TAFA1: variants seen among roughly 807,000 people sequenced by gnomAD.
TAFA1 encodes the protein chemokine-like protein TAFA-1.
A neutral mutation model predicts 18.5 loss-of-function variants in TAFA1; 4 were observed. The observed-to-expected ratio is 0.22, with a 90% CI of 0.11 to 0.49. TAFA1 has a LOEUF of 0.49. Ranked by LOEUF, TAFA1 falls within the 20% of genes least tolerant of loss-of-function variation. The probability of loss-of-function intolerance (pLI) is 0.98; values close to 1 mark genes in which losing one functional copy is unlikely to be tolerated. For missense variants in TAFA1, 147 were observed against 169.0 expected, an observed-to-expected ratio of 0.87 and a Z score of 0.72; for synonymous variants, 56 against 55.2, an observed-to-expected ratio of 1.01 and a Z score of -0.06.
intron 2 of TAFA1, among the ~76,000 whole-genome samples, chr3:68,182,505 A>T (rs975628164): frequency 3.2e-4 from 49 of 152,272 alleles, no homozygotes; most frequent in African/African-American, 1.1e-3. Flanking sequence ...AGAAATGGGA[A>T]TTAGAAATTA....
chr3:68,388,795 A>C (rs2070163878), intron 2 of TAFA1, among the ~76,000 whole-genome samples: 1 of 152,152 alleles, frequency 6.6e-6, no homozygotes, highest in African/African-American at 2.4e-5. Context: ...CTTCAGGGTC[A>C]GAAGGGACCT....
At chr3:68,146,052 C>T (rs1016305189) in intron 2 of TAFA1, among the ~76,000 whole-genome samples, 2 of 152,176 alleles carry the variant, frequency 1.3e-5, no homozygotes, top group Non-Finnish European at 2.9e-5. Context: ...AGATTTTCTA[C>T]AGAAGGAACC....
rs553665777 is a variant in TAFA1, at chr3:68,237,622, C to T, written c.119-179658C>T. On this transcript the variant is annotated intron_variant, in intron 2 of 4. Coordinates refer to ENST00000478136, the MANE Select transcript of TAFA1 (RefSeq NM_213609.4). The stretch of plus-strand genomic sequence containing the variant: ...TTGGAGGCAGATTATCTCAAAGTAA[C>T]CAATGTATAATAGGGTTCTGAATTT... Among the ~76,000 whole-genome samples, 3 of 152,212 alleles carry T rather than the reference C, an allele frequency of 2.0e-5. No individual in the cohort carries two copies. In the East Asian group the frequency reaches 5.8e-4, roughly 29 times the overall value.
intron 3 of TAFA1, among the ~76,000 whole-genome samples, chr3:68,467,215 T>C (rs1364350115): frequency 6.6e-6 from 1 of 152,152 alleles, no homozygotes; most frequent in Non-Finnish European, 1.5e-5. Context: ...TACGAACAAT[T>C]TGTGCAGTTA....
chr3:68,013,035 G>A (rs545343447), intron 2 of TAFA1, among the ~76,000 whole-genome samples: 13 of 151,242 alleles, frequency 8.6e-5, no homozygotes, highest in African/African-American at 2.9e-4. Context: ...TTTTTTTTTC[G>A]ACAGCATCTA....
chr3:68,134,745 TA>T (rs1302528318), intron 2 of TAFA1, among the ~76,000 whole-genome samples: 1 of 152,152 alleles, frequency 6.6e-6, no homozygotes, highest in Non-Finnish European at 1.5e-5. Flanking sequence ...GGGGAGATAT[TA>T]AAAGGAAATA....
At chr3:68,472,273 C>T (rs1005060004) in intron 3 of TAFA1, among the ~76,000 whole-genome samples, 1 of 152,050 alleles carries the variant, frequency 6.6e-6, no homozygotes, top group Non-Finnish European at 1.5e-5. Flanking sequence ...GGAGTTTCCC[C>T]ATACAAACTC....
intron 3 of TAFA1, among the ~76,000 whole-genome samples, chr3:68,464,255 G>GA (rs2071840084): frequency 6.6e-6 from 1 of 152,150 alleles, no homozygotes; most frequent in Admixed American, 6.6e-5. Flanking sequence ...GTCTAGTGGG[G>GA]ATAGGACAGT....
At chr3:68,136,036 C>T (rs1285630106) in intron 2 of TAFA1, among the ~76,000 whole-genome samples, 1 of 152,154 alleles carries the variant, frequency 6.6e-6, no homozygotes, top group Non-Finnish European at 1.5e-5. Flanking sequence ...TGCACATATT[C>T]TTCTGATTTT....
At chr3:68,386,151 A>G (rs2070098174) in intron 2 of TAFA1, among the ~76,000 whole-genome samples, 1 of 152,110 alleles carries the variant, frequency 6.6e-6, no homozygotes, top group Non-Finnish European at 1.5e-5. Context: ...TCTCCACACC[A>G]TGAATAATAT....
intron 2 of TAFA1, among the ~76,000 whole-genome samples, chr3:68,332,031 T>A (rs1362854095): frequency 6.6e-6 from 1 of 151,680 alleles, no homozygotes; most frequent in East Asian, 1.9e-4. Context: ...ACCCTGCCAA[T>A]TTTTTGTGTT....
chr3:68,458,788 C>CTT (rs199714996), intron 3 of TAFA1, among the ~76,000 whole-genome samples: 3 of 147,114 alleles, frequency 2.0e-5, no homozygotes, highest in South Asian at 2.2e-4. Context: ...GTGCTTCCCA[C>CTT]TTTTTTTTTT....
At chr3:68,004,769 A>G (rs1704328881) in intron 1 of TAFA1, 67 bp downstream of exon 1, 1 of 152,162 alleles carries the variant, frequency 6.6e-6, no homozygotes, top group African/African-American at 2.4e-5. Context: ...GCATATCTAG[A>G]GAACTGTGCA....
At chr3:68,434,601 A>G (rs1360355149) in intron 3 of TAFA1, among the ~76,000 whole-genome samples, 1 of 152,116 alleles carries the variant, frequency 6.6e-6, no homozygotes, top group Non-Finnish European at 1.5e-5. Flanking sequence ...TTTTTCTAAT[A>G]TTCCTGGAAG....
chr3:68,377,978 A>G (rs262195), intron 2 of TAFA1, among the ~76,000 whole-genome samples: 92,864 of 152,048 alleles, frequency 0.61, 29,145 homozygotes, highest in East Asian at 1. Context: ...CCTCTGCCTA[A>G]ATTTCACAGG....
At chr3:68,245,077 C>A (rs1421282298) in intron 2 of TAFA1, among the ~76,000 whole-genome samples, 2 of 152,062 alleles carry the variant, frequency 1.3e-5, no homozygotes, top group Non-Finnish European at 2.9e-5. Context: ...TTTAGAAGAC[C>A]CTTAAAAATA....
At chr3:68,033,817 T>G (rs1704989103) in intron 2 of TAFA1, among the ~76,000 whole-genome samples, 4 of 152,178 alleles carry the variant, frequency 2.6e-5, no homozygotes, top group Admixed American at 2.6e-4. Context: ...GAAATACAAT[T>G]TACAACCTCC....
chr3:68,404,335 A>T (rs2070554010), intron 2 of TAFA1, among the ~76,000 whole-genome samples: 1 of 152,208 alleles, frequency 6.6e-6, no homozygotes, highest in Non-Finnish European at 1.5e-5. Flanking sequence ...TCTTCACAAA[A>T]TCCTCAATTA....
intron 2 of TAFA1, among the ~76,000 whole-genome samples, chr3:68,299,022 G>C (rs1172965012): frequency 1.3e-5 from 2 of 152,178 alleles, no homozygotes; most frequent in African/African-American, 4.8e-5. Flanking sequence ...GGAAAGTTTG[G>C]AACTTCCTAG....
Sources: allele counts gnomAD v4.1 joint callset (sites outside exome capture counted in the v4.1 genomes callset), GRCh38; gene constraint gnomAD v4.1.1; transcripts MANE v1.5; gene names NCBI Gene and HGNC (gene_info 2026-07-23, HGNC 2026-07-21).